The following TAFA2 variants were observed in gnomAD, a reference collection of about 807,000 sequenced individuals.
TAFA2 encodes chemokine-like protein TAFA-2.
A neutral mutation model predicts 18.8 loss-of-function variants in TAFA2; 7 were observed. The observed-to-expected ratio is 0.37, with a 90% CI of 0.21 to 0.70. The LOEUF (loss-of-function observed/expected upper bound fraction) is 0.70, where lower values mean the gene tolerates loss of function less well. TAFA2 is among the 30% of genes least tolerant of loss of function. TAFA2 has a pLI of 0.53. For synonymous variants in TAFA2, 60 were observed against 54.2 expected (o/e 1.11, Z -0.47); for missense variants, 122 against 158.1 (o/e 0.77, Z 1.23).
intron 1 of TAFA2, among the ~76,000 whole-genome samples, chr12:62,016,674 C>T (rs1328049188): frequency 6.6e-6 from 1 of 152,218 alleles, no homozygotes; most frequent in East Asian, 1.9e-4. Context: ...TCCTCCGAGC[C>T]CTTCTCAGAA....
At chr12:61,845,874 C>A (rs1873383581) in intron 2 of TAFA2, among the ~76,000 whole-genome samples, 1 of 151,988 alleles carries the variant, frequency 6.6e-6, no homozygotes, top group African/African-American at 2.4e-5. Flanking sequence ...GGAAGGAGTC[C>A]AAAATATTCC....
chr12:62,014,545 T>C (rs934187880), intron 1 of TAFA2, among the ~76,000 whole-genome samples: 6 of 152,136 alleles, frequency 3.9e-5, no homozygotes, highest in African/African-American at 1.4e-4. Context: ...GGCAGAAGGA[T>C]TGCTTAACCC....
intron 4 of TAFA2, among the ~76,000 whole-genome samples, chr12:61,739,476 T>C (rs1194680062): frequency 6.6e-6 from 1 of 152,106 alleles, no homozygotes. Flanking sequence ...AATCAACTTA[T>C]ATAAACAATT....
At chr12:61,910,104 G>T (rs1210279643) in intron 1 of TAFA2, among the ~76,000 whole-genome samples, 7 of 8,996 alleles carry the variant, frequency 7.8e-4, no homozygotes, top group East Asian at 0.014. Context: ...GTGTGTTTGT[G>T]TGTGTGTGTG....
chr12:61,899,451 T>C (rs1876000092), intron 1 of TAFA2, among the ~76,000 whole-genome samples: 1 of 152,160 alleles, frequency 6.6e-6, no homozygotes, highest in African/African-American at 2.4e-5. Flanking sequence ...AAACTTACTA[T>C]CATGGCAGAA....
At chr12:61,815,059 A>G (rs1174152930) in intron 2 of TAFA2, among the ~76,000 whole-genome samples, 1 of 151,546 alleles carries the variant, frequency 6.6e-6, no homozygotes, top group Non-Finnish European at 1.5e-5. Context: ...TTACAGCAGC[A>G]ATAGAAAATA....
intron 1 of TAFA2, among the ~76,000 whole-genome samples, chr12:61,990,331 G>A (rs1159301514): frequency 1.7e-5 from 2 of 120,130 alleles, no homozygotes; most frequent in African/African-American, 6.2e-5. Flanking sequence ...GCTAAACACT[G>A]TGCCAATTTT....
intron 1 of TAFA2, among the ~76,000 whole-genome samples, chr12:61,875,814 A>AGTGAC (rs1874819069): frequency 6.6e-6 from 1 of 151,628 alleles, no homozygotes; most frequent in African/African-American, 2.4e-5. Context: ...CACACTATGA[A>AGTGAC]TTGAAACAGG....
At position 61,752,537 on chromosome 12, in the gene TAFA2, T is replaced by C. The variant is rs548338101; in HGVS notation, c.384+1085A>G. Among the ~76,000 whole-genome samples, 117 of 152,170 alleles carry C rather than the reference T, an allele frequency of 7.7e-4. 2 individuals carry two copies. The highest frequency in any genetic ancestry group is 2.8e-3 in the African/African-American group (115 of 41,568). ...TATAATTATCCTAACTAATTGATCA[T>C]GCATCCAATGGGTTTTGAAAAGGTG... On this transcript the variant is annotated intron_variant, in intron 4 of 4. Coordinates refer to ENST00000416284, the MANE Select transcript of TAFA2 (RefSeq NM_178539.5).
At chr12:62,176,563 G>T (rs892514446) in intron 1 of TAFA2, among the ~76,000 whole-genome samples, 1 of 151,918 alleles carries the variant, frequency 6.6e-6, no homozygotes, top group East Asian at 1.9e-4. Context: ...TTTTCAATTC[G>T]AATGAATAAA....
intron 1 of TAFA2, among the ~76,000 whole-genome samples, chr12:62,018,506 A>G (rs1445373324): frequency 6.6e-6 from 1 of 152,086 alleles, no homozygotes; most frequent in Non-Finnish European, 1.5e-5. Context: ...AGAAATATCT[A>G]CAACTATCTG....
At chr12:62,181,674 C>T (rs142432042) in intron 1 of TAFA2, among the ~76,000 whole-genome samples, 34 of 152,218 alleles carry the variant, frequency 2.2e-4, no homozygotes, top group African/African-American at 5.3e-4. Context: ...AAACTGATGA[C>T]GAAATATTTC....
chr12:61,898,701 G>T (rs543487519), intron 1 of TAFA2, among the ~76,000 whole-genome samples: 1 of 152,280 alleles, frequency 6.6e-6, no homozygotes, highest in Admixed American at 6.5e-5. Flanking sequence ...AGCCCTACAG[G>T]CCAGTGATGG....
intron 1 of TAFA2, among the ~76,000 whole-genome samples, chr12:61,874,316 A>T (rs1874749835): frequency 1.3e-5 from 2 of 152,278 alleles, no homozygotes; most frequent in Admixed American, 6.5e-5. Context: ...CTGAACTGAA[A>T]CACTTGTTTT....
At chr12:62,096,312 C>T (rs1489802948) in intron 1 of TAFA2, among the ~76,000 whole-genome samples, 1 of 152,064 alleles carries the variant, frequency 6.6e-6, no homozygotes, top group African/African-American at 2.4e-5. Context: ...ACTGAAGTCA[C>T]ATAAGTACTA....
intron 1 of TAFA2, among the ~76,000 whole-genome samples, chr12:62,168,036 T>C (rs1348449176): frequency 4.6e-5 from 7 of 152,184 alleles, no homozygotes; most frequent in African/African-American, 1.7e-4. Context: ...TGCTAAAGAT[T>C]CCACTAATAT....
At chr12:62,065,666 C>G (rs1050737044) in intron 1 of TAFA2, among the ~76,000 whole-genome samples, 1 of 151,794 alleles carries the variant, frequency 6.6e-6, no homozygotes, top group Non-Finnish European at 1.5e-5. Context: ...TATGGTTTCA[C>G]TAGCCAAGAA....
intron 2 of TAFA2, among the ~76,000 whole-genome samples, chr12:61,819,738 A>G (rs570016245): frequency 9.2e-5 from 14 of 152,274 alleles, no homozygotes; most frequent in African/African-American, 3.4e-4. Flanking sequence ...TTTACTATCT[A>G]TTACATAATG....
intron 1 of TAFA2, among the ~76,000 whole-genome samples, chr12:61,929,551 T>A (rs928030161): frequency 1.3e-5 from 2 of 152,146 alleles, no homozygotes; most frequent in Non-Finnish European, 2.9e-5. Context: ...TTTTACACTG[T>A]TGGTGGGACT....
Sources: gnomAD v4.1 joint callset for allele counts (sites outside exome capture counted in the v4.1 genomes callset) on GRCh38, gnomAD v4.1.1 for gene constraint, MANE v1.5 for transcripts, NCBI Gene and HGNC (gene_info 2026-07-23, HGNC 2026-07-21) for gene names.